Variants in PLCB4 observed in about 807,000 individuals in gnomAD.
PLCB4 encodes the protein 1-phosphatidylinositol 4,5-bisphosphate phosphodiesterase beta-4.
Under a neutral mutation model 178.8 loss-of-function variants are expected in PLCB4, and 77 were observed. That is an observed-to-expected ratio of 0.43 (90% CI 0.36 to 0.52). PLCB4 has a LOEUF of 0.52. Ranked by LOEUF, PLCB4 falls within the 20% of genes least tolerant of loss-of-function variation. The pLI, the probability that PLCB4 is intolerant of heterozygous loss-of-function variation, is 0.00. For missense variants in PLCB4, 1,024 were observed against 1,453.4 expected (o/e 0.70, Z 4.80); for synonymous variants, 496 against 490.8 (o/e 1.01, Z -0.14).
chr20:9,226,579 AG>A (rs2093868599), intron 3 of PLCB4, among the ~76,000 whole-genome samples: 1 of 152,166 alleles, frequency 6.6e-6, no homozygotes, highest in African/African-American at 2.4e-5. Context: ...ATTGACAGGG[AG>A]ATGGTGAATC....
chr20:9,238,671 A>G (rs1005353993), intron 3 of PLCB4, among the ~76,000 whole-genome samples: 2 of 152,122 alleles, frequency 1.3e-5, no homozygotes, highest in Non-Finnish European at 2.9e-5. Context: ...TGAGGCTTTT[A>G]GTACAATTTT....
In PLCB4 at chr20:9,281,033, A is replaced by T. The variant is rs181005481; in HGVS notation, c.-15-26767A>T. ...CTCTGAAATTAGTTTCCCATATTAA[A>T]TCATGCTTCAAACTTTCTTAGGAAC... On this transcript the variant is annotated intron_variant, in intron 3 of 39. Transcript: ENST00000378473. 2.7e-4 allele frequency among the ~76,000 whole-genome samples: 41 copies of T among 152,070 alleles called. No homozygotes were observed. In the East Asian group the frequency reaches 6.8e-3, roughly 25 times the overall value.
At chr20:9,244,794 A>T (rs564559408) in intron 3 of PLCB4, among the ~76,000 whole-genome samples, 9 of 152,352 alleles carry the variant, frequency 5.9e-5, no homozygotes, top group Non-Finnish European at 1.2e-4. Context: ...TTGAATTCTG[A>T]TAGTAAATAG....
rs376216095 is a variant in PLCB4, at chr20:9,436,291, TG to T, written c.2613+644del. Among the ~76,000 whole-genome samples the T allele has an allele frequency of 2.9e-3, 445 of 152,360 alleles. 2 individuals are homozygous for T. The highest frequency in any genetic ancestry group is 0.01 in the African/African-American group (425 of 41,588). On this transcript the variant is annotated intron_variant, in intron 29 of 39. Transcript: ENST00000378473. ...AACTGTACTGTACAGGATGTTTCTA[TG>T]ATACACTGAAATACCAGTTAACCTA...
chr20:9,169,493 G>A (rs1343861046), intron 2 of PLCB4, among the ~76,000 whole-genome samples: 1 of 151,776 alleles, frequency 6.6e-6, no homozygotes, highest in East Asian at 1.9e-4. Flanking sequence ...TGGAGGCTGA[G>A]GCAGGAGAAT....
chr20:9,103,106 G>A (rs1244357687), intron 2 of PLCB4, among the ~76,000 whole-genome samples: 2 of 149,748 alleles, frequency 1.3e-5, no homozygotes, highest in African/African-American at 4.9e-5. Context: ...CTCACTGCAA[G>A]CTCCACCTCC....
chr20:9,204,532 T>G (rs1480186965), intron 2 of PLCB4, among the ~76,000 whole-genome samples: 1 of 152,054 alleles, frequency 6.6e-6, no homozygotes, highest in Non-Finnish European at 1.5e-5. Flanking sequence ...GCTATTTTTT[T>G]TTGTATTTTT....
At chr20:9,446,923 A>G (rs1239480103) in intron 32 of PLCB4, among the ~76,000 whole-genome samples, 2 of 152,188 alleles carry the variant, frequency 1.3e-5, no homozygotes, top group African/African-American at 2.4e-5. Flanking sequence ...CAACAAAAAC[A>G]TGTTGTCTTT....
chr20:9,471,761 A>G (rs527935748), intron 36 of PLCB4, among the ~76,000 whole-genome samples: 10 of 152,328 alleles, frequency 6.6e-5, no homozygotes, highest in Non-Finnish European at 1.2e-4. Flanking sequence ...GGGCAAAGAT[A>G]TGGGGAAAGG....
Position 9,098,504 on chromosome 20 carries a change from T to G in PLCB4, c.-79+2162T>G, listed in dbSNP as rs1292228058. On this transcript the variant is annotated intron_variant, in intron 2 of 39. Transcript: ENST00000378473. ...GGTCGCCAGACAGTTAGGAGCACAT[T>G]CTGGAAAAGGCTCCTCAGCTGCATG... 2.0e-5 allele frequency among the ~76,000 whole-genome samples: 3 copies of G among 151,734 alleles called. 1 individual carries two copies. Among genetic ancestry groups the G allele is most frequent in the Non-Finnish European group, 2.9e-5 (2 of 67,970 alleles).
chr20:9,155,831 A>C (rs923917185), intron 2 of PLCB4, among the ~76,000 whole-genome samples: 1 of 152,126 alleles, frequency 6.6e-6, no homozygotes, highest in African/African-American at 2.4e-5. Flanking sequence ...CATAAACATA[A>C]CCTCATAGAC....
chr20:9,098,607 G>A (rs2091009776), intron 2 of PLCB4, among the ~76,000 whole-genome samples: 1 of 150,870 alleles, frequency 6.6e-6, no homozygotes, highest in South Asian at 2.1e-4. Context: ...GATGTCTCAT[G>A]TGTTAAATAG....
At chr20:9,202,764 A>G (rs2147194941) in intron 2 of PLCB4, among the ~76,000 whole-genome samples, 1 of 152,218 alleles carries the variant, frequency 6.6e-6, no homozygotes, top group African/African-American at 2.4e-5. Context: ...TAAAAACCAA[A>G]TAGAAATGAA....
intron 29 of PLCB4, among the ~76,000 whole-genome samples, chr20:9,436,644 A>T (rs1466542150): frequency 1.3e-5 from 2 of 152,146 alleles, no homozygotes. Flanking sequence ...GTGAGCCACC[A>T]TGCCCAGCCA....
At chr20:9,182,327 C>T (rs973210190) in intron 2 of PLCB4, among the ~76,000 whole-genome samples, 7 of 152,082 alleles carry the variant, frequency 4.6e-5, no homozygotes, top group Non-Finnish European at 8.8e-5. Context: ...CTGGGGCTCT[C>T]ACAGTTAAAA....
At chr20:9,365,941 C>T (rs367618679) in intron 9 of PLCB4, among the ~76,000 whole-genome samples, 153 of 152,242 alleles carry the variant, frequency 1.0e-3, no homozygotes, top group African/African-American at 3.6e-3. Context: ...CATTTTCATT[C>T]TGGGCTTTGC....
At chr20:9,159,003 TAGGGAA>T (rs1051852983) in intron 2 of PLCB4, among the ~76,000 whole-genome samples, 3 of 152,214 alleles carry the variant, frequency 2.0e-5, no homozygotes, top group Admixed American at 6.5e-5. Flanking sequence ...AGAATTATCT[TAGGGAA>T]AGTGAAGCAG....
At chr20:9,452,254 T>C (rs1042097390) in intron 32 of PLCB4, among the ~76,000 whole-genome samples, 1 of 152,236 alleles carries the variant, frequency 6.6e-6, no homozygotes, top group African/African-American at 2.4e-5. Flanking sequence ...CCCATTTATA[T>C]TTTATGAAAC....
At chr20:9,294,017 C>T (rs1263313368) in intron 3 of PLCB4, among the ~76,000 whole-genome samples, 1 of 152,106 alleles carries the variant, frequency 6.6e-6, no homozygotes, top group Non-Finnish European at 1.5e-5. Flanking sequence ...TGCTGCTTTC[C>T]AGTGCAGCTG....
Sources: gnomAD v4.1 joint callset for allele counts (sites outside exome capture counted in the v4.1 genomes callset) on GRCh38, gnomAD v4.1.1 for gene constraint, MANE v1.5 for transcripts, NCBI Gene and HGNC (gene_info 2026-07-23, HGNC 2026-07-21) for gene names.